ARHGEF12: variants seen among roughly 807,000 people sequenced by gnomAD.
ARHGEF12 encodes the protein Rho guanine nucleotide exchange factor 12.
Under a neutral mutation model 211.2 loss-of-function variants are expected in ARHGEF12, and 66 were observed. The observed-to-expected ratio is 0.31, with a 90% CI of 0.26 to 0.38. ARHGEF12 has a LOEUF of 0.38. ARHGEF12 is among the 10% of genes least tolerant of loss of function. The probability of loss-of-function intolerance (pLI) is 1.00; values close to 1 mark genes in which losing one functional copy is unlikely to be tolerated. For missense variants in ARHGEF12, 1,429 were observed against 1,869.5 expected (o/e 0.76, Z 4.34); for synonymous variants, 592 against 638.4 (o/e 0.93, Z 1.09).
At chr11:120,342,026 A>C (rs561689686) in intron 1 of ARHGEF12, among the ~76,000 whole-genome samples, 1 of 152,348 alleles carries the variant, frequency 6.6e-6, no homozygotes, top group East Asian at 1.9e-4. Flanking sequence ...AAGCTAATTC[A>C]TACAGTTTAA....
intron 4 of ARHGEF12, chr11:120,411,933 C>T (rs927295711): frequency 3.3e-5 from 5 of 152,088 alleles, no homozygotes; most frequent in African/African-American, 1.2e-4. Flanking sequence ...AGGCATAAGC[C>T]ACCGCACCTG....
At chr11:120,355,289 A>G (rs1483314631) in intron 1 of ARHGEF12, among the ~76,000 whole-genome samples, 1 of 152,146 alleles carries the variant, frequency 6.6e-6, no homozygotes, top group Admixed American at 6.5e-5. Context: ...TGTTGCTTTT[A>G]TATGTTTATT....
In ARHGEF12 at chr11:120,458,583, A is replaced by G. The variant is rs545277401; in HGVS notation, c.2380+349A>G. ...GAGATTGAATTCGTTAAGATCATACAGCTAATAACGTGTAAGGAAAAAAAT... is the reference window on the plus strand; with the variant it reads ...GAGATTGAATTCGTTAAGATCATACGGCTAATAACGTGTAAGGAAAAAAAT... On this transcript the variant is annotated intron_variant, in intron 25 of 40. Transcript: ENST00000397843. The G allele has an allele frequency of 2.8e-5, 7 of 253,726 alleles. No individual in the cohort carries two copies. In the South Asian group the frequency reaches 3.2e-4, roughly 12 times the overall value. 15.7% of individuals were successfully genotyped at this position (253,726 alleles called of 1,614,324 possible).
intron 1 of ARHGEF12, among the ~76,000 whole-genome samples, chr11:120,357,249 C>T (rs1456007533): frequency 1.3e-5 from 2 of 152,162 alleles, no homozygotes; most frequent in Admixed American, 6.5e-5. Context: ...CTGCCTCAAC[C>T]TCCCAAAGTA....
intron 1 of ARHGEF12, among the ~76,000 whole-genome samples, chr11:120,398,897 T>C (rs988013650): frequency 5.9e-5 from 9 of 152,120 alleles, no homozygotes; most frequent in African/African-American, 2.2e-4. Flanking sequence ...AAATTACCCA[T>C]AATACATTTC....
intron 1 of ARHGEF12, among the ~76,000 whole-genome samples, chr11:120,347,188 C>CTT (rs796828228): frequency 5.3e-5 from 7 of 131,028 alleles, no homozygotes; most frequent in Non-Finnish European, 6.4e-5. Flanking sequence ...TCCTTCCTTT[C>CTT]TTTCTTTCTT....
In ARHGEF12 at chr11:120,347,175, C is replaced by A. The variant is rs200180045; in HGVS notation, c.32+9900C>A. ...TCCTTCCTTCCTTCCTTCCTTCCTT[C>A]CTTCCTTCCTTTCTTTCTTTCTTTC... On this transcript the variant is annotated intron_variant, in intron 1 of 40. Transcript: ENST00000397843. 1.4e-4 allele frequency among the ~76,000 whole-genome samples: 9 copies of A among 62,160 alleles called. 1 individual carries two copies. In the South Asian group the frequency reaches 4.2e-3, roughly 29 times the overall value. The allele number at this position is 62,160 out of a possible 152,430, so 40.8% of individuals were successfully genotyped here.
rs142510950 is a variant in ARHGEF12, at chr11:120,471,817, C to G, written c.2956-1233C>G. On this transcript the variant is annotated intron_variant, in intron 30 of 40. Transcript: ENST00000397843. The stretch of plus-strand genomic sequence containing the variant: ...TATATAGGTGTTCACTATGCTCACT[C>G]AGACTTTTCCATGTATTTGGAAATG... 6.6e-3 allele frequency among the ~76,000 whole-genome samples: 1,000 copies of G among 152,250 alleles called. 10 individuals carry two copies. Among genetic ancestry groups the G allele is most frequent in the African/African-American group, 0.023 (948 of 41,552 alleles).
At chr11:120,354,086 T>G (rs1943067489) in intron 1 of ARHGEF12, among the ~76,000 whole-genome samples, 1 of 151,732 alleles carries the variant, frequency 6.6e-6, no homozygotes, top group Non-Finnish European at 1.5e-5. Flanking sequence ...AGGGGTGCAG[T>G]GGGAGGAGAA....
At chr11:120,423,249 A>T (rs74636741) in intron 6 of ARHGEF12, among the ~76,000 whole-genome samples, 15,883 of 152,188 alleles carry the variant, frequency 0.1, 1,751 homozygotes, top group East Asian at 0.64. Flanking sequence ...GGTAATACAC[A>T]TTTAGTATAG....
At chr11:120,462,125 C>A (rs1946554100) in intron 27 of ARHGEF12, among the ~76,000 whole-genome samples, 1 of 152,186 alleles carries the variant, frequency 6.6e-6, no homozygotes, top group Non-Finnish European at 1.5e-5. Context: ...GCCTTCCTTA[C>A]TAAACTTAAT....
intron 20 of ARHGEF12, chr11:120,448,747 G>A (rs1268714721): frequency 1.1e-5 from 3 of 273,034 alleles, no homozygotes; most frequent in Non-Finnish European, 2.1e-5. Flanking sequence ...TTGTAAAGCT[G>A]TATGAGTACA....
intron 10 of ARHGEF12, among the ~76,000 whole-genome samples, chr11:120,431,105 C>T (rs1945514321): frequency 1.3e-5 from 2 of 151,966 alleles, no homozygotes; most frequent in South Asian, 4.2e-4. Flanking sequence ...TCCTGGCCAA[C>T]ATGGTGAAAC....
chr11:120,456,353 A>G (rs1349615744), intron 22 of ARHGEF12, among the ~76,000 whole-genome samples: 1 of 152,244 alleles, frequency 6.6e-6, no homozygotes, highest in Non-Finnish European at 1.5e-5. Flanking sequence ...GAACAAAAAC[A>G]TAGACATGTC....
At position 120,447,917 on chromosome 11, in the gene ARHGEF12, T is replaced by A; in HGVS notation, c.1622+11T>A. On this transcript the variant is annotated intron_variant, in intron 19 of 40. Coordinates refer to ENST00000397843, the MANE Select transcript of ARHGEF12 (RefSeq NM_015313.3). ...AGAGGAAGATAAGAGGTAACATAAC[T>A]GTTTTTTTTCCCCTAGAATTTTAAG... 6.4e-7 allele frequency: 1 copy of A among 1,557,892 alleles called. No individual in the cohort carries two copies. The highest frequency in any genetic ancestry group is 2.3e-5 in the East Asian group (1 of 43,792).
intron 1 of ARHGEF12, among the ~76,000 whole-genome samples, chr11:120,358,892 AGCAAG>A (rs1420070938): frequency 6.6e-6 from 1 of 152,196 alleles, no homozygotes; most frequent in African/African-American, 2.4e-5. Flanking sequence ...TGCAACTAGA[AGCAAG>A]GGCTTCAGGA....
chr11:120,368,539 G>A (rs550055823), intron 1 of ARHGEF12, among the ~76,000 whole-genome samples: 2 of 152,118 alleles, frequency 1.3e-5, no homozygotes, highest in Non-Finnish European at 2.9e-5. Flanking sequence ...AATCCTGACA[G>A]CATTCCTATA....
Position 120,451,298 on chromosome 11 carries a change from C to T in ARHGEF12, c.1844-214C>T. 6.8e-6 allele frequency: 3 copies of T among 440,370 alleles called. No homozygotes were observed. In the East Asian group the frequency reaches 1.3e-4, roughly 19 times the overall value. 27.3% of individuals were successfully genotyped at this position (440,370 alleles called of 1,614,324 possible). ...GGTTGGAGCGATTCTCCTGCCTCAG[C>T]CTTCCGAGTAGCTGGGATTACAGGC... On this transcript the variant is annotated intron_variant, in intron 21 of 40. Coordinates refer to ENST00000397843, the MANE Select transcript of ARHGEF12 (RefSeq NM_015313.3).
At chr11:120,364,006 C>T (rs1003056520) in intron 1 of ARHGEF12, among the ~76,000 whole-genome samples, 1 of 152,168 alleles carries the variant, frequency 6.6e-6, no homozygotes, top group Non-Finnish European at 1.5e-5. Flanking sequence ...TGTCCAGACA[C>T]AATCACCATG....
Sources: allele counts gnomAD v4.1 joint callset (sites outside exome capture counted in the v4.1 genomes callset), GRCh38; gene constraint gnomAD v4.1.1; transcripts MANE v1.5; gene names NCBI Gene and HGNC (gene_info 2026-07-23, HGNC 2026-07-21).